The following CDH18 variants were observed in gnomAD, a reference collection of about 807,000 sequenced individuals.
CDH18 encodes cadherin-18.
A neutral mutation model predicts 67.9 loss-of-function variants in CDH18; 31 were observed. That is an observed-to-expected ratio of 0.46 (90% CI 0.34 to 0.62). The LOEUF is 0.62. Among genes scored for constraint, CDH18 ranks in the 20% least tolerant of loss-of-function variants. The pLI is 0.01. For missense variants in CDH18, 890 were observed against 975.5 expected, an observed-to-expected ratio of 0.91 and a Z score of 1.17; for synonymous variants, 362 against 347.2, an observed-to-expected ratio of 1.04 and a Z score of -0.48.
At chr5:19,811,904 G>T (rs1169223601) in intron 3 of CDH18, among the ~76,000 whole-genome samples, 1 of 152,026 alleles carries the variant, frequency 6.6e-6, no homozygotes, top group Admixed American at 6.6e-5. Context: ...ATCAGTAAAG[G>T]TTCTACATAA....
intron 2 of CDH18, among the ~76,000 whole-genome samples, chr5:20,001,314 T>C (rs529325776): frequency 6.6e-6 from 1 of 152,252 alleles, no homozygotes; most frequent in East Asian, 1.9e-4. Context: ...AAATGTGAAT[T>C]CTAGTACTTT....
chr5:19,592,845 G>C (rs1490289163), intron 6 of CDH18, among the ~76,000 whole-genome samples: 1 of 151,712 alleles, frequency 6.6e-6, no homozygotes, highest in Non-Finnish European at 1.5e-5. Context: ...CTAGTCCCTG[G>C]TAACAACCAC....
intron 2 of CDH18, among the ~76,000 whole-genome samples, chr5:20,024,255 A>G (rs966668763): frequency 6.6e-6 from 1 of 152,198 alleles, no homozygotes; most frequent in African/African-American, 2.4e-5. Flanking sequence ...AACTTTCTTT[A>G]GAGTTCAATT....
chr5:19,799,463 C>T (rs912385289), intron 3 of CDH18, among the ~76,000 whole-genome samples: 14 of 151,918 alleles, frequency 9.2e-5, no homozygotes, highest in African/African-American at 3.4e-4. Flanking sequence ...CACACACACA[C>T]ACACACACAC....
At chr5:19,583,667 TA>T (rs1390419225) in intron 7 of CDH18, among the ~76,000 whole-genome samples, 1 of 152,098 alleles carries the variant, frequency 6.6e-6, no homozygotes, top group Non-Finnish European at 1.5e-5. Context: ...TATTAGATAG[TA>T]GTTATTATTG....
chr5:19,527,504 AT>A (rs1433421542), intron 9 of CDH18, among the ~76,000 whole-genome samples: 2 of 151,666 alleles, frequency 1.3e-5, no homozygotes, highest in Non-Finnish European at 3.0e-5. Context: ...GCTATAATTT[AT>A]ATGAAAGGTG....
intron 1 of CDH18, among the ~76,000 whole-genome samples, chr5:20,415,185 AGGCCAGCCTG>A (rs1464935146): frequency 6.6e-6 from 1 of 151,968 alleles, no homozygotes; most frequent in Non-Finnish European, 1.5e-5. Flanking sequence ...CAGGAGTTTG[AGGCCAGCCTG>A]GGCAATATGG....
At chr5:20,412,966 C>T (rs940469648) in intron 1 of CDH18, among the ~76,000 whole-genome samples, 12 of 152,172 alleles carry the variant, frequency 7.9e-5, no homozygotes, top group Non-Finnish European at 1.6e-4. Context: ...TCCCCAATCC[C>T]CGCACCCCAC....
intron 3 of CDH18, among the ~76,000 whole-genome samples, chr5:19,749,832 TAAAC>T (rs75738682): frequency 0.093 from 14,085 of 151,302 alleles, 763 homozygotes; most frequent in Admixed American, 0.14. Context: ...TTATAATTAA[TAAAC>T]AGTTTTTATA....
chr5:20,255,800 T>G (rs928883265), intron 1 of CDH18, among the ~76,000 whole-genome samples: 10 of 152,072 alleles, frequency 6.6e-5, no homozygotes, highest in Admixed American at 1.3e-4. Context: ...ATAAAGAAGT[T>G]TTAATTTCAG....
chr5:19,700,956 G>T (rs1763164488), intron 5 of CDH18, among the ~76,000 whole-genome samples: 1 of 151,202 alleles, frequency 6.6e-6, no homozygotes, highest in African/African-American at 2.4e-5. Flanking sequence ...AGGAAACAAA[G>T]TGAGAAAAAA....
At chr5:20,010,589 T>C (rs1241831703) in intron 2 of CDH18, among the ~76,000 whole-genome samples, 1 of 152,150 alleles carries the variant, frequency 6.6e-6, no homozygotes, top group Non-Finnish European at 1.5e-5. Flanking sequence ...TTCTATATCA[T>C]TCAATCCAAT....
chr5:20,386,988 T>A (rs1469498423), intron 1 of CDH18, among the ~76,000 whole-genome samples: 1 of 152,062 alleles, frequency 6.6e-6, no homozygotes, highest in East Asian at 1.9e-4. Context: ...TTTCCATGAG[T>A]TAGATACTTA....
chr5:20,106,330 C>A (rs1053428854), intron 2 of CDH18, among the ~76,000 whole-genome samples: 14 of 152,176 alleles, frequency 9.2e-5, no homozygotes, highest in Non-Finnish European at 5.9e-5. Context: ...TTCTCACATT[C>A]CTACTTGTTT....
At chr5:19,804,444 T>C (rs1046076204) in intron 3 of CDH18, among the ~76,000 whole-genome samples, 7 of 152,188 alleles carry the variant, frequency 4.6e-5, no homozygotes, top group African/African-American at 9.6e-5. Context: ...ATATAGCCTG[T>C]AAATCTAGGT....
intron 7 of CDH18, among the ~76,000 whole-genome samples, chr5:19,589,614 T>G (rs764465530): frequency 9.2e-5 from 14 of 152,142 alleles, no homozygotes; most frequent in Non-Finnish European, 2.1e-4. Context: ...CTTGGCATCA[T>G]GTTGCTTAAT....
At chr5:20,045,822 T>C (rs1740847553) in intron 2 of CDH18, among the ~76,000 whole-genome samples, 1 of 151,986 alleles carries the variant, frequency 6.6e-6, no homozygotes, top group African/African-American at 2.4e-5. Context: ...CCTTAATATC[T>C]TCAGAGAAAT....
At chr5:20,448,844 A>G (rs553946482) in intron 1 of CDH18, among the ~76,000 whole-genome samples, 19 of 152,292 alleles carry the variant, frequency 1.2e-4, no homozygotes, top group Non-Finnish European at 2.4e-4. Flanking sequence ...AATGATGGAA[A>G]AAGTACAGGT....
intron 3 of CDH18, among the ~76,000 whole-genome samples, chr5:19,757,548 C>G (rs1304753): frequency 6.6e-6 from 1 of 152,150 alleles, no homozygotes; most frequent in Non-Finnish European, 1.5e-5. Flanking sequence ...CTGGGGAAAG[C>G]GGCTGAGTGG....
Sources: gnomAD v4.1 joint callset for allele counts (sites outside exome capture counted in the v4.1 genomes callset) on GRCh38, gnomAD v4.1.1 for gene constraint, MANE v1.5 for transcripts, NCBI Gene and HGNC (gene_info 2026-07-23, HGNC 2026-07-21) for gene names.